Variants in PRELID2 observed in about 807,000 individuals in gnomAD.
The protein encoded by PRELID2 is PRELI domain-containing protein 2.
A neutral mutation model predicts 28.4 loss-of-function variants in PRELID2; 25 were observed. That is an observed-to-expected ratio of 0.88 (90% CI 0.64 to 1.23). The LOEUF (loss-of-function observed/expected upper bound fraction) is 1.23. Among genes scored for constraint, PRELID2 ranks in the 50% most tolerant of loss-of-function variants. The pLI, the probability that PRELID2 is intolerant of heterozygous loss-of-function variation, is 0.00. For missense variants in PRELID2, 201 were observed against 214.4 expected (o/e 0.94, Z 0.39); for synonymous variants, 76 against 71.6 (o/e 1.06, Z -0.31).
At chr5:145,597,055 G>C (rs1023837901) in intron 1 of PRELID2, among the ~76,000 whole-genome samples, 1 of 152,128 alleles carries the variant, frequency 6.6e-6, no homozygotes, top group Non-Finnish European at 1.5e-5. Flanking sequence ...CATCAGTAGA[G>C]TTAACCTTGC....
intron 5 of PRELID2, among the ~76,000 whole-genome samples, chr5:145,786,438 A>C (rs1385281864): frequency 1.3e-5 from 2 of 152,204 alleles, no homozygotes; most frequent in Admixed American, 1.3e-4. Flanking sequence ...CCACATTCTG[A>C]GATCATCTAT....
intron 1 of PRELID2, among the ~76,000 whole-genome samples, chr5:145,742,593 G>C (rs958582456): frequency 1.6e-4 from 23 of 145,194 alleles, no homozygotes; most frequent in South Asian, 6.5e-4. Flanking sequence ...GTGTGGAACA[G>C]AATTAAAGCA....
chr5:145,819,306 T>C, intron 3 of PRELID2: 1 of 984,062 alleles, frequency 1.0e-6, no homozygotes, highest in South Asian at 1.3e-5. Flanking sequence ...TCTGACTTCC[T>C]CATAGCTCTA....
chr5:145,453,899 A>G, the PRELID2 span, among the ~76,000 whole-genome samples: 1 of 152,220 alleles, frequency 6.6e-6, no homozygotes, highest in East Asian at 1.9e-4. Context: ...AGTCTTTACT[A>G]TTGTGAATAG....
intron 1 of PRELID2, among the ~76,000 whole-genome samples, chr5:145,734,332 G>T (rs1329814784): frequency 6.6e-6 from 1 of 152,122 alleles, no homozygotes; most frequent in Non-Finnish European, 1.5e-5. Context: ...CAGTACTTTG[G>T]TAAGGTATTA....
At chr5:145,404,737 G>A in the PRELID2 span, among the ~76,000 whole-genome samples, 2 of 152,206 alleles carry the variant, frequency 1.3e-5, no homozygotes, top group Admixed American at 1.3e-4. Context: ...TCTGGCAAGA[G>A]TCACACAAAT....
chr5:145,470,933 C>T (rs776975579), downstream of PRELID2, among the ~76,000 whole-genome samples: 31 of 152,026 alleles, frequency 2.0e-4, no homozygotes, highest in Non-Finnish European at 4.4e-4. Context: ...GTCCCAAATC[C>T]TCACACCTTC....
chr5:145,825,765 T>C (rs1385895572), intron 1 of PRELID2, among the ~76,000 whole-genome samples: 1 of 152,158 alleles, frequency 6.6e-6, no homozygotes, highest in East Asian at 1.9e-4. Flanking sequence ...TAGAAGAAAG[T>C]AGGGGTTTAT....
At chr5:145,713,370 ACT>A (rs1561554123) in intron 1 of PRELID2, among the ~76,000 whole-genome samples, 3 of 141,438 alleles carry the variant, frequency 2.1e-5, no homozygotes, top group African/African-American at 8.0e-5. Flanking sequence ...ATATATATAT[ACT>A]TTACATTATA....
the PRELID2 span, among the ~76,000 whole-genome samples, chr5:145,442,740 GT>G: frequency 6.6e-6 from 1 of 152,066 alleles, no homozygotes; most frequent in African/African-American, 2.4e-5. Context: ...AATATAGCGT[GT>G]GCATCAGTAA....
chr5:145,623,447 C>CAA (rs923728377), intron 1 of PRELID2, among the ~76,000 whole-genome samples: 1 of 148,790 alleles, frequency 6.7e-6, no homozygotes, highest in Non-Finnish European at 1.5e-5. Context: ...AACTCCTTCT[C>CAA]AAAAAAAAAT....
the PRELID2 span, among the ~76,000 whole-genome samples, chr5:145,435,133 C>T: frequency 1.1e-4 from 16 of 152,254 alleles, no homozygotes; most frequent in East Asian, 1.9e-4. Flanking sequence ...CATCCTGGAA[C>T]GTATGCCCTT....
At chr5:145,379,800 G>T in the PRELID2 span, among the ~76,000 whole-genome samples, 2 of 152,180 alleles carry the variant, frequency 1.3e-5, no homozygotes, top group Non-Finnish European at 2.9e-5. Flanking sequence ...AGCTCTGCAA[G>T]TCAGGCATGT....
the PRELID2 span, among the ~76,000 whole-genome samples, chr5:145,311,317 T>C: frequency 1.3e-5 from 2 of 149,706 alleles, no homozygotes; most frequent in Non-Finnish European, 3.0e-5. Flanking sequence ...CAGAACACTG[T>C]AGCACAGCCC....
chr5:145,419,054 T>C, the PRELID2 span, among the ~76,000 whole-genome samples: 32,256 of 150,058 alleles, frequency 0.21, 3,679 homozygotes, highest in South Asian at 0.32. Context: ...ACAAAGGACA[T>C]GAACTCATCA....
chr5:145,316,460 T>C, the PRELID2 span, among the ~76,000 whole-genome samples: 1 of 152,178 alleles, frequency 6.6e-6, no homozygotes, highest in Non-Finnish European at 1.5e-5. Flanking sequence ...CAACACACCA[T>C]AATCAATCCC....
intron 1 of PRELID2, among the ~76,000 whole-genome samples, chr5:145,626,717 T>C (rs1322533506): frequency 6.6e-6 from 1 of 152,194 alleles, no homozygotes; most frequent in African/African-American, 2.4e-5. Context: ...AAAAGATACC[T>C]GCACTTGTAT....
chr5:145,449,584 A>G, the PRELID2 span, among the ~76,000 whole-genome samples: 1 of 152,068 alleles, frequency 6.6e-6, no homozygotes, highest in East Asian at 1.9e-4. Flanking sequence ...GTGTGCAAAA[A>G]TCGGAATGCC....
At chr5:145,654,945 G>C (rs1754367639) in intron 1 of PRELID2, among the ~76,000 whole-genome samples, 2 of 152,116 alleles carry the variant, frequency 1.3e-5, no homozygotes, top group South Asian at 2.1e-4. Flanking sequence ...ATTAGGAAAA[G>C]AGGAAGTCAA....
Sources: gnomAD v4.1 joint callset for allele counts (sites outside exome capture counted in the v4.1 genomes callset) on GRCh38, gnomAD v4.1.1 for gene constraint, MANE v1.5 for transcripts, NCBI Gene and HGNC (gene_info 2026-07-23, HGNC 2026-07-21) for gene names.